ZFHX3: variants seen among roughly 807,000 people sequenced by gnomAD.
ZFHX3 encodes zinc finger homeobox protein 3.
ZFHX3 carries 42 observed loss-of-function variants against 279.1 expected under a neutral mutation model. That is an observed-to-expected ratio of 0.15 (90% CI 0.12 to 0.19). The LOEUF (loss-of-function observed/expected upper bound fraction) is 0.19, where lower values mean the gene tolerates loss of function less well. ZFHX3 is among the 10% of genes least tolerant of loss of function. The probability of loss-of-function intolerance (pLI) is 1.00; values close to 1 mark genes in which losing one functional copy is unlikely to be tolerated. For synonymous variants in ZFHX3, 2,293 were observed against 1,957.8 expected (o/e 1.17, Z -4.52); for missense variants, 4,981 against 4,754.0 (o/e 1.05, Z -1.40).
chr16:73,674,660 T>G (rs947022805), intron 2 of ZFHX3, among the ~76,000 whole-genome samples: 1 of 152,220 alleles, frequency 6.6e-6, no homozygotes, highest in Non-Finnish European at 1.5e-5. Flanking sequence ...ACCTCTTGAA[T>G]CTGGGTTGGT....
At chr16:73,401,125 C>T (rs186325617) in intron 3 of ZFHX3, 1 of 152,128 alleles carries the variant, frequency 6.6e-6, no homozygotes, top group East Asian at 1.9e-4. Context: ...ATCTATCTTT[C>T]CCTGGGAATG....
At chr16:73,177,475 G>C (rs749656093) in intron 5 of ZFHX3, among the ~76,000 whole-genome samples, 17 of 152,206 alleles carry the variant, frequency 1.1e-4, no homozygotes, top group Non-Finnish European at 1.5e-4. Flanking sequence ...CTTTGGAAGC[G>C]TATGAAACAT....
At chr16:73,172,434 G>A (rs1288044348) in intron 5 of ZFHX3, among the ~76,000 whole-genome samples, 3 of 152,160 alleles carry the variant, frequency 2.0e-5, no homozygotes, top group African/African-American at 7.2e-5. Flanking sequence ...AGCCCCAGCC[G>A]AGCTGTATTT....
Position 73,134,048 on chromosome 16 carries a change from A to G in ZFHX3, c.-1023-2954T>C, listed in dbSNP as rs181281140. Among the ~76,000 whole-genome samples, 141 of 152,256 alleles carry G rather than the reference A, an allele frequency of 9.3e-4. 1 individual carries two copies. Among genetic ancestry groups the G allele is most frequent in the Non-Finnish European group, 1.2e-3 (80 of 68,018 alleles). On this transcript the variant is annotated intron_variant, in intron 6 of 17. Coordinates refer to the ZFHX3 transcript ENST00000641206. Reference sequence around the variant, plus strand: ...ATATCTATGTCTACGCCTATATCTAATATTCATTCGTTGAATCCCCCCAGT... The same window carrying G: ...ATATCTATGTCTACGCCTATATCTAGTATTCATTCGTTGAATCCCCCCAGT...
At chr16:73,026,026 G>T (rs1381916105) in intron 1 of ZFHX3, among the ~76,000 whole-genome samples, 1 of 151,910 alleles carries the variant, frequency 6.6e-6, no homozygotes, top group East Asian at 1.9e-4. Flanking sequence ...ACACACCCAT[G>T]TCTTGGCAGT....
intron 1 of ZFHX3, among the ~76,000 whole-genome samples, chr16:73,802,122 A>T (rs1373676548): frequency 6.6e-6 from 1 of 152,234 alleles, no homozygotes; most frequent in Non-Finnish European, 1.5e-5. Context: ...CGGGCTGTGG[A>T]AACTGTGCCT....
intron 1 of ZFHX3, among the ~76,000 whole-genome samples, chr16:73,008,362 G>A (rs1963789239): frequency 1.3e-5 from 2 of 152,038 alleles, no homozygotes; most frequent in Non-Finnish European, 2.9e-5. Flanking sequence ...TCAAGTAACT[G>A]GATTTCATTA....
intron 4 of ZFHX3, among the ~76,000 whole-genome samples, chr16:72,863,135 A>G (rs2037924864): frequency 1.3e-5 from 2 of 152,062 alleles, no homozygotes; most frequent in South Asian, 2.1e-4. Flanking sequence ...AATTTTTAAT[A>G]TGAACTCAAT....
intron 3 of ZFHX3, among the ~76,000 whole-genome samples, chr16:72,910,505 C>A (rs1294536751): frequency 6.6e-6 from 1 of 152,178 alleles, no homozygotes; most frequent in Admixed American, 6.6e-5. Context: ...CTTACATGTA[C>A]ACAGTCCTGC....
chr16:73,157,570 T>C (rs953251936), intron 5 of ZFHX3, among the ~76,000 whole-genome samples: 6 of 150,468 alleles, frequency 4.0e-5, no homozygotes, highest in African/African-American at 9.8e-5. Context: ...GTCGAGTCAC[T>C]ATCCCTTAGC....
chr16:73,869,282 G>A (rs913740027), intron 1 of ZFHX3, among the ~76,000 whole-genome samples: 5 of 152,194 alleles, frequency 3.3e-5, no homozygotes, highest in East Asian at 3.9e-4. Flanking sequence ...AAACAGCCCC[G>A]ACCACCCAAA....
At chr16:73,072,810 C>A (rs1050345533) in intron 8 of ZFHX3, among the ~76,000 whole-genome samples, 1 of 151,062 alleles carries the variant, frequency 6.6e-6, no homozygotes, top group Non-Finnish European at 1.5e-5. Flanking sequence ...CTTCAAGTAT[C>A]CTCCCACCTC....
intron 2 of ZFHX3, among the ~76,000 whole-genome samples, chr16:73,464,232 G>A (rs1334333931): frequency 6.6e-6 from 1 of 152,006 alleles, no homozygotes; most frequent in Admixed American, 6.5e-5. Flanking sequence ...GGGAGAGAGA[G>A]GTTAAGCTCA....
At chr16:73,478,088 T>C (rs2143618200) in intron 2 of ZFHX3, among the ~76,000 whole-genome samples, 1 of 152,064 alleles carries the variant, frequency 6.6e-6, no homozygotes, top group South Asian at 2.1e-4. Context: ...CTGGCCAACA[T>C]GGTGAAACCC....
At chr16:73,567,411 G>A (rs889385557) in intron 2 of ZFHX3, among the ~76,000 whole-genome samples, 1 of 152,198 alleles carries the variant, frequency 6.6e-6, no homozygotes, top group Non-Finnish European at 1.5e-5. Context: ...TATAGAAGAT[G>A]GAGAACAATG....
At chr16:73,523,088 C>T (rs1482785957) in intron 2 of ZFHX3, among the ~76,000 whole-genome samples, 2 of 152,164 alleles carry the variant, frequency 1.3e-5, no homozygotes, top group African/African-American at 4.8e-5. Flanking sequence ...ACAGCCAAAC[C>T]ATATCACAAG....
intron 1 of ZFHX3, among the ~76,000 whole-genome samples, chr16:73,823,235 G>A (rs954266461): frequency 4.6e-5 from 7 of 152,160 alleles, no homozygotes; most frequent in African/African-American, 1.2e-4. Context: ...CAAAGTAGGA[G>A]TTAATTAGGC....
chr16:73,826,293 A>C (rs1386996475), intron 1 of ZFHX3, among the ~76,000 whole-genome samples: 1 of 39,656 alleles, frequency 2.5e-5, no homozygotes, highest in East Asian at 7.5e-4. Flanking sequence ...CAGCTTAAGG[A>C]GATTTTGGGC....
intron 5 of ZFHX3, among the ~76,000 whole-genome samples, chr16:73,200,128 A>G (rs1968236031): frequency 6.6e-6 from 1 of 152,176 alleles, no homozygotes; most frequent in South Asian, 2.1e-4. Flanking sequence ...TTTTGAGTAA[A>G]ACATACCAGT....
Sources: gnomAD v4.1 joint callset for allele counts (sites outside exome capture counted in the v4.1 genomes callset) on GRCh38, gnomAD v4.1.1 for gene constraint, MANE v1.5 for transcripts, NCBI Gene and HGNC (gene_info 2026-07-23, HGNC 2026-07-21) for gene names.